Variants in NTF3 observed in about 807,000 individuals in gnomAD.
NTF3 encodes neurotrophin-3.
Under a neutral mutation model 26.3 loss-of-function variants are expected in NTF3, and 8 were observed. That is an observed-to-expected ratio of 0.30 (90% CI 0.18 to 0.55). The LOEUF (loss-of-function observed/expected upper bound fraction) is 0.55, where lower values mean the gene tolerates loss of function less well. NTF3 is among the 20% of genes least tolerant of loss of function. NTF3 has a pLI of 0.93. For missense variants in NTF3, 276 were observed against 352.9 expected, an observed-to-expected ratio of 0.78 and a Z score of 1.75; for synonymous variants, 154 against 145.5, an observed-to-expected ratio of 1.06 and a Z score of -0.42.
chr12:5,432,933 C>T (rs1290237965), intron 1 of NTF3, among the ~76,000 whole-genome samples: 1 of 152,146 alleles, frequency 6.6e-6, no homozygotes, highest in African/African-American at 2.4e-5. Context: ...GAGCCTGATT[C>T]TCAGCTCGCC....
intron 1 of NTF3, 135 bp downstream of exon 1, chr12:5,432,477 TCA>T: frequency 9.6e-7 from 1 of 1,041,640 alleles, no homozygotes; most frequent in South Asian, 1.5e-5. Context: ...CCGCGCTCAC[TCA>T]CTTTCCCGGG....
chr12:5,436,371 C>T (rs978846264), intron 1 of NTF3, among the ~76,000 whole-genome samples: 5 of 152,114 alleles, frequency 3.3e-5, no homozygotes, highest in African/African-American at 1.2e-4. Flanking sequence ...TCAGAAGATC[C>T]GGGGCAGATA....
chr12:5,491,716 CT>C (rs5796156), intron 1 of NTF3, among the ~76,000 whole-genome samples: 32,673 of 97,746 alleles, frequency 0.33, 4,494 homozygotes, highest in Middle Eastern at 0.44. Context: ...CTCTCCTCTT[CT>C]TTTTTTTTTT....
chr12:5,494,442 G>A lies in NTF3; in HGVS notation c.267G>A (p.Gly89=), dbSNP rs771935909. 1.3e-6 allele frequency: 2 copies of A among 1,584,738 alleles called. No individual in the cohort carries two copies. Among genetic ancestry groups the A allele is most frequent in the Admixed American group, 1.7e-5 (1 of 57,806 alleles). ...CTCCCCGAGAGCCGGAGCGGGGAGGGCCCGCCAAGTCAGCATTCCAGCCGG... is the reference window on the plus strand; with the variant it reads ...CTCCCCGAGAGCCGGAGCGGGGAGGACCCGCCAAGTCAGCATTCCAGCCGG... ...AEAPREPERG[G]PAKSAFQPVI... The change falls in exon 2 of 2, where the codon GGG becomes GGA. Residue 89 remains glycine, a synonymous_variant. Coordinates refer to ENST00000423158, the MANE Select transcript of NTF3 (RefSeq NM_001102654.2). This position sits in a 1 kb window ranked among gnomAD's most constrained non-coding sequence, Gnocchi z 8.3.
chr12:5,447,058 A>C (rs1452345964), intron 1 of NTF3, among the ~76,000 whole-genome samples: 1 of 152,178 alleles, frequency 6.6e-6, no homozygotes, highest in Non-Finnish European at 1.5e-5. Flanking sequence ...AGAGCAGTGG[A>C]AGCAGGAAAA....
At chr12:5,460,100 C>A (rs1458081455) in intron 1 of NTF3, among the ~76,000 whole-genome samples, 2 of 152,128 alleles carry the variant, frequency 1.3e-5, no homozygotes, top group African/African-American at 2.4e-5. Flanking sequence ...CCGTATAACT[C>A]CTCCCCCTCA....
chr12:5,472,549 T>A (rs2121213026), intron 1 of NTF3, among the ~76,000 whole-genome samples: 1 of 152,306 alleles, frequency 6.6e-6, no homozygotes, highest in East Asian at 1.9e-4. Context: ...AGTGGTCACT[T>A]ACTCTCTGTC....
intron 1 of NTF3, among the ~76,000 whole-genome samples, chr12:5,444,529 C>T (rs1243828009): frequency 1.3e-5 from 2 of 152,000 alleles, no homozygotes; most frequent in African/African-American, 4.8e-5. Context: ...AGAGAAGTTC[C>T]GTGGGAGGAG....
At chr12:5,471,717 C>T (rs897852638) in intron 1 of NTF3, among the ~76,000 whole-genome samples, 1 of 152,022 alleles carries the variant, frequency 6.6e-6, no homozygotes, top group Non-Finnish European at 1.5e-5. Context: ...TGACTTTGCT[C>T]ACTGGGCATT....
intron 1 of NTF3, among the ~76,000 whole-genome samples, chr12:5,446,856 C>T (rs1024101933): frequency 6.6e-6 from 1 of 152,168 alleles, no homozygotes; most frequent in Non-Finnish European, 1.5e-5. Flanking sequence ...GAGTGACCTA[C>T]GTGTAGTTTA....
rs56333339 is a variant in NTF3 at position 5,433,448 on chromosome 12, G to GGAGGGGC, written c.18+1112_18+1118dup. 0.086 allele frequency: 12,640 copies of GGAGGGGC among 146,436 alleles called. 584 individuals carry two copies. Among genetic ancestry groups the GGAGGGGC allele is most frequent in the South Asian group, 0.12 (568 of 4,728 alleles). The allele number at this position is 146,436 out of a possible 1,614,324, so 9.1% of individuals were successfully genotyped here. A position where few individuals can be genotyped will look rare whatever the true frequency, so the allele number is the denominator to read the frequency against. ...GCTTGGGAGTTGAAGGTTAGGGACA[G>GGAGGGGC]GAGGGGCGAGGGCCGAGGGCATGGG... is the stretch of plus-strand genomic sequence containing the variant. On this transcript the variant is annotated intron_variant, in intron 1 of 1. Transcript: ENST00000423158. The surrounding 1 kb of genome is among the most constrained non-coding windows in gnomAD (Gnocchi z 4.6).
At chr12:5,473,874 T>A (rs1940693555) in intron 1 of NTF3, among the ~76,000 whole-genome samples, 1 of 152,198 alleles carries the variant, frequency 6.6e-6, no homozygotes, top group African/African-American at 2.4e-5. Context: ...TTGTGTGAGA[T>A]CACCCATGTC....
intron 1 of NTF3, among the ~76,000 whole-genome samples, chr12:5,471,192 C>G (rs1940662187): frequency 6.6e-6 from 1 of 152,112 alleles, no homozygotes; most frequent in South Asian, 2.1e-4. Context: ...ATTTCAAGGG[C>G]TATTAATGTG....
At chr12:5,430,584 TC>T (rs1284208599), upstream of NTF3, among the ~76,000 whole-genome samples, 1 of 141,136 alleles carries the variant, frequency 7.1e-6, no homozygotes, top group Non-Finnish European at 1.6e-5. Flanking sequence ...GCCCCCAGAC[TC>T]CCCCCTCCCT....
At chr12:5,462,356 TACTG>T (rs1940535550) in intron 1 of NTF3, among the ~76,000 whole-genome samples, 1 of 152,372 alleles carries the variant, frequency 6.6e-6, no homozygotes, top group South Asian at 2.1e-4. Context: ...GAATTCAAGT[TACTG>T]ACCTACTACT....
upstream of NTF3, among the ~76,000 whole-genome samples, chr12:5,431,764 C>CT (rs1940090547): frequency 6.6e-6 from 1 of 152,150 alleles, no homozygotes; most frequent in African/African-American, 2.4e-5. Flanking sequence ...GCTGAAGACA[C>CT]TAACATGTAA....
Position 5,433,697 on chromosome 12 carries a change from A to G in NTF3, c.18+1355A>G, listed in dbSNP as rs1159223152. On this transcript the variant is annotated intron_variant, in intron 1 of 1. Transcript: ENST00000423158. This position sits in a 1 kb window ranked among gnomAD's most constrained non-coding sequence, Gnocchi z 4.6. ...GGGATTGCCGGTGGGGGAAACACCG[A>G]AAAGATCGTCTGGCCTCGGCCTCTG... Among the ~76,000 whole-genome samples the G allele has an allele frequency of 6.6e-6, 1 of 152,026 alleles. No individual in the cohort carries two copies. The highest frequency in any genetic ancestry group is 6.5e-5 in the Admixed American group (1 of 15,280).
chr12:5,494,093 C>T lies in NTF3; in HGVS notation c.19-101C>T. Reference sequence around the variant, plus strand: ...GCTTACCTGGGGGGCGGTACCCTCTCTCGTGCCCTCACAGGGCTACTCAGC... The same window carrying T: ...GCTTACCTGGGGGGCGGTACCCTCTTTCGTGCCCTCACAGGGCTACTCAGC... On this transcript the variant is annotated intron_variant, in intron 1 of 1. Coordinates refer to ENST00000423158, the MANE Select transcript of NTF3 (RefSeq NM_001102654.2). This position sits in a 1 kb window ranked among gnomAD's most constrained non-coding sequence, Gnocchi z 8.3. 8.9e-7 allele frequency: 1 copy of T among 1,125,060 alleles called. No individual in the cohort carries two copies. The allele number at this position is 1,125,060 out of a possible 1,614,324, so 69.7% of individuals were successfully genotyped here. A position where few individuals can be genotyped will look rare whatever the true frequency, so the allele number is the denominator to read the frequency against.
chr12:5,431,753 G>C (rs1422894466), upstream of NTF3, among the ~76,000 whole-genome samples: 3 of 152,120 alleles, frequency 2.0e-5, no homozygotes, highest in African/African-American at 4.8e-5. Context: ...CACTAAGAAA[G>C]GCTGAAGACA....
Sources: allele counts gnomAD v4.1 joint callset (sites outside exome capture counted in the v4.1 genomes callset), GRCh38; gene constraint gnomAD v4.1.1; non-coding constraint Gnocchi (gnomAD v3.1); transcripts MANE v1.5; gene names NCBI Gene and HGNC (gene_info 2026-07-23, HGNC 2026-07-21).